Variants in KAT6B observed in about 807,000 individuals in gnomAD.
KAT6B encodes histone acetyltransferase KAT6B.
In KAT6B, 10 loss-of-function variants were observed where a neutral mutation model predicts 187.5. The observed-to-expected ratio is 0.05, with a 90% confidence interval of 0.03 to 0.09. KAT6B has a LOEUF of 0.09. Ranked by LOEUF, KAT6B falls within the 10% of genes least tolerant of loss-of-function variation. The pLI, the probability that KAT6B is intolerant of heterozygous loss-of-function variation, is 1.00. For missense variants in KAT6B, 1,952 were observed against 2,558.9 expected, an observed-to-expected ratio of 0.76 and a Z score of 5.12; for synonymous variants, 861 against 926.8, an observed-to-expected ratio of 0.93 and a Z score of 1.29.
chr10:74,913,230 A>G (rs557331769), intron 3 of KAT6B, among the ~76,000 whole-genome samples: 10 of 152,302 alleles, frequency 6.6e-5, no homozygotes, highest in South Asian at 2.1e-4. Context: ...TTGAAACACC[A>G]TGGTCCCCCC....
chr10:74,924,271 C>T (rs1848337935), intron 3 of KAT6B, among the ~76,000 whole-genome samples: 1 of 152,194 alleles, frequency 6.6e-6, no homozygotes, highest in Admixed American at 6.5e-5. Context: ...GAGTTTGTCA[C>T]TGTAGATATC....
chr10:74,964,630 G>A (rs201662598), intron 4 of KAT6B, among the ~76,000 whole-genome samples: 8 of 151,994 alleles, frequency 5.3e-5, no homozygotes, highest in Non-Finnish European at 8.8e-5. Context: ...TACCCCCGAG[G>A]CACCTCAAAG....
intron 3 of KAT6B, among the ~76,000 whole-genome samples, chr10:74,861,720 T>G (rs899248865): frequency 6.6e-6 from 1 of 152,224 alleles, no homozygotes; most frequent in African/African-American, 2.4e-5. Context: ...TCATATTAGG[T>G]TCTTATAAAC....
At chr10:74,997,015 A>AAT (rs1221784680) in intron 13 of KAT6B, among the ~76,000 whole-genome samples, 4 of 152,048 alleles carry the variant, frequency 2.6e-5, no homozygotes, top group East Asian at 3.9e-4. Context: ...TGTTTAAATA[A>AAT]ATATATATAT....
intron 10 of KAT6B, among the ~76,000 whole-genome samples, chr10:74,980,879 T>C (rs1173914146): frequency 6.6e-6 from 1 of 152,246 alleles, no homozygotes; most frequent in Non-Finnish European, 1.5e-5. Flanking sequence ...TGCTATTTAC[T>C]GCATTTAGAC....
At chr10:74,948,286 T>C (rs977480211) in intron 3 of KAT6B, among the ~76,000 whole-genome samples, 2 of 152,252 alleles carry the variant, frequency 1.3e-5, no homozygotes, top group African/African-American at 4.8e-5. Context: ...GTACCAATTA[T>C]ATTCTGCGTG....
intron 13 of KAT6B, among the ~76,000 whole-genome samples, chr10:75,009,352 G>A (rs938106168): frequency 6.6e-6 from 1 of 152,066 alleles, no homozygotes; most frequent in African/African-American, 2.4e-5. Context: ...AAATAGAAAA[G>A]TACCTAGTAC....
intron 3 of KAT6B, among the ~76,000 whole-genome samples, chr10:74,846,966 A>G (rs552332354): frequency 1.3e-5 from 2 of 152,206 alleles, no homozygotes; most frequent in African/African-American, 2.4e-5. Flanking sequence ...TTTACTTGTG[A>G]TGGAAGAGTC....
At chr10:74,948,670 TC>T (rs751333511) in intron 3 of KAT6B, among the ~76,000 whole-genome samples, 14 of 152,354 alleles carry the variant, frequency 9.2e-5, no homozygotes, top group Admixed American at 4.6e-4. Flanking sequence ...CTGCAGAAGC[TC>T]CTAGCTGCCT....
At chr10:74,852,845 C>A (rs1040528223) in intron 3 of KAT6B, among the ~76,000 whole-genome samples, 1 of 152,118 alleles carries the variant, frequency 6.6e-6, no homozygotes. Flanking sequence ...CCTGAATGAT[C>A]AGCAGCTTTC....
intron 3 of KAT6B, among the ~76,000 whole-genome samples, chr10:74,936,193 G>GAGTTTGA (rs1350030781): frequency 6.6e-6 from 1 of 152,052 alleles, no homozygotes; most frequent in Non-Finnish European, 1.5e-5. Flanking sequence ...ATGAGGTCAG[G>GAGTTTGA]AGTTTGAGAC....
At chr10:74,969,958 G>T in intron 5 of KAT6B, 62 bp from the exon 6 acceptor site, 2 of 1,257,222 alleles carry the variant, frequency 1.6e-6, no homozygotes, top group South Asian at 1.2e-5. Flanking sequence ...AGTAACAAAA[G>T]AATTTTTGGC....
At chr10:74,916,808 A>T (rs991114425) in intron 3 of KAT6B, among the ~76,000 whole-genome samples, 1 of 152,196 alleles carries the variant, frequency 6.6e-6, no homozygotes, top group Non-Finnish European at 1.5e-5. Context: ...CTTTGTATAA[A>T]AACTAAACAC....
intron 4 of KAT6B, among the ~76,000 whole-genome samples, chr10:74,963,254 C>T (rs1267381521): frequency 6.6e-6 from 1 of 152,156 alleles, no homozygotes; most frequent in Non-Finnish European, 1.5e-5. Flanking sequence ...ATTCTCTTTG[C>T]CTCATTAAGA....
intron 3 of KAT6B, among the ~76,000 whole-genome samples, chr10:74,918,771 A>G (rs764935882): frequency 3.3e-5 from 5 of 152,230 alleles, no homozygotes; most frequent in Non-Finnish European, 7.4e-5. Context: ...CATTGAGTAG[A>G]GGTTTGCTGG....
At chr10:74,846,956 T>C (rs1842151156) in intron 3 of KAT6B, among the ~76,000 whole-genome samples, 1 of 152,222 alleles carries the variant, frequency 6.6e-6, no homozygotes, top group South Asian at 2.1e-4. Flanking sequence ...GGGGATACTT[T>C]TTACTTGTGA....
intron 6 of KAT6B, 67 bp from the exon 7 acceptor site, chr10:74,972,440 C>G: frequency 1.6e-6 from 2 of 1,221,422 alleles, no homozygotes; most frequent in Non-Finnish European, 2.3e-6. Context: ...ACAGCTACAA[C>G]TTATATTTAA....
intron 9 of KAT6B, among the ~76,000 whole-genome samples, 194 bp from the exon 10 acceptor site, chr10:74,979,030 T>A (rs556767359): frequency 1.3e-5 from 2 of 152,140 alleles, no homozygotes; most frequent in South Asian, 4.1e-4. Flanking sequence ...TTTTTGCCAT[T>A]GAAAAAATTA....
intron 15 of KAT6B, 137 bp downstream of exon 15, chr10:75,021,422 C>T (rs1004723366): frequency 2.6e-6 from 2 of 780,510 alleles, no homozygotes; most frequent in Admixed American, 2.1e-5. Context: ...ACTAATTTAT[C>T]CTAACTGAGG....
Sources: gnomAD v4.1 joint callset for allele counts (sites outside exome capture counted in the v4.1 genomes callset) on GRCh38, gnomAD v4.1.1 for gene constraint, MANE v1.5 for transcripts, NCBI Gene and HGNC (gene_info 2026-07-23, HGNC 2026-07-21) for gene names.